The following GNA12 variants were observed in gnomAD, a reference collection of about 807,000 sequenced individuals.
GNA12 encodes the protein G protein subunit alpha 12, also known as guanine nucleotide-binding protein subunit alpha-12.
GNA12 carries 9 observed loss-of-function variants against 26.0 expected under a neutral mutation model. That is an observed-to-expected ratio of 0.35 (90% CI 0.21 to 0.60). The LOEUF is 0.60. Ranked by LOEUF, GNA12 falls within the 20% of genes least tolerant of loss-of-function variation. GNA12 has a pLI of 0.78. For missense variants in GNA12, 405 were observed against 525.8 expected, an observed-to-expected ratio of 0.77 and a Z score of 2.25; for synonymous variants, 264 against 219.6, an observed-to-expected ratio of 1.20 and a Z score of -1.79.
At chr7:2,808,550 C>T (rs76419627) in intron 1 of GNA12, among the ~76,000 whole-genome samples, 48 of 152,318 alleles carry the variant, frequency 3.2e-4, no homozygotes, top group African/African-American at 1.1e-3. Flanking sequence ...GGACCTCACT[C>T]CCCACAGAGC....
chr7:2,843,366 G>A (rs909152403), intron 1 of GNA12, among the ~76,000 whole-genome samples: 4 of 151,866 alleles, frequency 2.6e-5, no homozygotes, highest in Non-Finnish European at 5.9e-5. Context: ...GAGGCAGACC[G>A]GGCGCCATGA....
chr7:2,822,815 A>C (rs1793398036), intron 1 of GNA12, among the ~76,000 whole-genome samples: 2 of 152,170 alleles, frequency 1.3e-5, no homozygotes, highest in South Asian at 4.1e-4. Flanking sequence ...CCGTTTCCAA[A>C]AGAAAAGAAA....
Position 2,803,047 on chromosome 7 carries a change from CTATACCGAGGGCT to C in GNA12, c.310-7917_310-7905del, listed in dbSNP as rs1316542642. ...AGCCCCCTCTTGGCTCTGCCAGTGA[CTATACCGAGGGCT>C]CACCTCAGGCAATGAAAAGTGGTGG... On this transcript the variant is annotated intron_variant, in intron 1 of 3. Transcript: ENST00000275364. Among the ~76,000 whole-genome samples the C allele has an allele frequency of 3.9e-5, 6 of 152,304 alleles. No homozygotes were observed. In the East Asian group the frequency reaches 1.2e-3, roughly 29 times the overall value.
intron 1 of GNA12, among the ~76,000 whole-genome samples, chr7:2,820,312 T>C (rs2115494640): frequency 6.6e-6 from 1 of 152,000 alleles, no homozygotes; most frequent in East Asian, 1.9e-4. Context: ...TGGTGATGGC[T>C]GCACAGCTCT....
At chr7:2,815,417 G>C (rs1269121056) in intron 1 of GNA12, among the ~76,000 whole-genome samples, 1 of 152,212 alleles carries the variant, frequency 6.6e-6, no homozygotes, top group South Asian at 2.1e-4. Context: ...GAAAACATGA[G>C]GGAGGCTGGA....
At chr7:2,749,483 G>A (rs565247711) in intron 2 of GNA12, among the ~76,000 whole-genome samples, 48 of 150,600 alleles carry the variant, frequency 3.2e-4, no homozygotes, top group Admixed American at 2.7e-3. Context: ...GACACGGGAA[G>A]GGGAACATCA....
chr7:2,825,387 A>G (rs1793460760), intron 1 of GNA12, among the ~76,000 whole-genome samples: 1 of 152,180 alleles, frequency 6.6e-6, no homozygotes, highest in Admixed American at 6.5e-5. Flanking sequence ...GAAGCAGGAG[A>G]GAGGGCGGGA....
intron 1 of GNA12, among the ~76,000 whole-genome samples, chr7:2,818,805 C>T (rs1009009404): frequency 8.7e-5 from 13 of 149,998 alleles, no homozygotes; most frequent in Admixed American, 4.7e-4. Flanking sequence ...GGGAGGGAGG[C>T]GACTCAAAGT....
At chr7:2,793,868 C>A (rs1296914313) in intron 2 of GNA12, among the ~76,000 whole-genome samples, 2 of 127,716 alleles carry the variant, frequency 1.6e-5, no homozygotes, top group Admixed American at 9.2e-5. Context: ...GGCAACAGCG[C>A]GAGACTCCAT....
intron 1 of GNA12, among the ~76,000 whole-genome samples, chr7:2,833,382 G>C (rs1483407869): frequency 6.6e-6 from 1 of 152,172 alleles, no homozygotes; most frequent in Non-Finnish European, 1.5e-5. Context: ...TCTCAACTGA[G>C]TAAGAACAGA....
intron 1 of GNA12, among the ~76,000 whole-genome samples, chr7:2,838,593 AAC>A (rs1562452526): frequency 6.6e-6 from 1 of 152,196 alleles, no homozygotes; most frequent in Non-Finnish European, 1.5e-5. Flanking sequence ...CTAAGATAGT[AAC>A]AGTCATAATA....
intron 1 of GNA12, among the ~76,000 whole-genome samples, chr7:2,806,724 T>G (rs753741266): frequency 6.6e-6 from 1 of 152,180 alleles, no homozygotes; most frequent in Admixed American, 6.5e-5. Flanking sequence ...ATTCAAGATT[T>G]CAAGATCTGT....
At chr7:2,744,711 A>C (rs1439676778) in intron 2 of GNA12, among the ~76,000 whole-genome samples, 1 of 152,216 alleles carries the variant, frequency 6.6e-6, no homozygotes, top group African/African-American at 2.4e-5. Context: ...TCAGACAATC[A>C]AACTACTCTG....
chr7:2,744,853 T>C (rs1222871933), intron 2 of GNA12, among the ~76,000 whole-genome samples: 2 of 151,794 alleles, frequency 1.3e-5, no homozygotes, highest in African/African-American at 4.8e-5. Flanking sequence ...AACCAAGGCA[T>C]GAGAACTACC....
At chr7:2,810,901 A>AAAAGAAAGAAAGAAAG (rs35629917) in intron 1 of GNA12, among the ~76,000 whole-genome samples, 33 of 149,908 alleles carry the variant, frequency 2.2e-4, no homozygotes, top group African/African-American at 8.1e-4. Flanking sequence ...TCTGTCTTAA[A>AAAAGAAAGAAAGAAAG]AAAGAAAGAA....
chr7:2,731,229 C>T lies in GNA12; in HGVS notation c.1098G>A (p.Val366=), dbSNP rs756698258. The T allele has an allele frequency of 1.2e-6, 2 of 1,613,456 alleles. No homozygotes were observed. Among genetic ancestry groups the T allele is most frequent in the African/African-American group, 1.3e-5 (1 of 74,938 alleles). Residue 366 remains valine (V), a synonymous_variant, in exon 4 of 4, where the codon GTG becomes GTA. Coordinates refer to ENST00000275364, the MANE Select transcript of GNA12 (RefSeq NM_007353.3). This position sits in a 1 kb window ranked among gnomAD's most constrained non-coding sequence, Gnocchi z 6.0. ...TENVRFVFHA[V]KDTILQENLK... ...GGTTCTCCTGCAGGATGGTGTCTTT[C>T]ACAGCATGGAACACGAAGCGGACGT...
At chr7:2,841,515 A>G (rs1413364906) in intron 1 of GNA12, among the ~76,000 whole-genome samples, 2 of 152,232 alleles carry the variant, frequency 1.3e-5, no homozygotes, top group East Asian at 3.8e-4. Context: ...CCAGTGAGCT[A>G]AGCTGGGCAC....
At chr7:2,751,457 G>T (rs1346521622) in intron 2 of GNA12, among the ~76,000 whole-genome samples, 1 of 148,866 alleles carries the variant, frequency 6.7e-6, no homozygotes, top group African/African-American at 2.5e-5. Flanking sequence ...ACTGACCAAA[G>T]GTACCACCTC....
intron 1 of GNA12, among the ~76,000 whole-genome samples, chr7:2,831,810 G>A (rs895695035): frequency 4.6e-5 from 7 of 152,148 alleles, no homozygotes; most frequent in African/African-American, 1.4e-4. Flanking sequence ...AGCATGAGTG[G>A]AAAACACACA....
Sources: allele counts gnomAD v4.1 joint callset (sites outside exome capture counted in the v4.1 genomes callset), GRCh38; gene constraint gnomAD v4.1.1; non-coding constraint Gnocchi (gnomAD v3.1); transcripts MANE v1.5; gene names NCBI Gene and HGNC (gene_info 2026-07-23, HGNC 2026-07-21).